The following LOXL2 variants were observed in gnomAD, a reference collection of about 807,000 sequenced individuals.
LOXL2 encodes the protein lysyl oxidase like 2, also known as lysyl oxidase homolog 2.
Under a neutral mutation model 93.0 loss-of-function variants are expected in LOXL2, and 70 were observed. The observed-to-expected ratio is 0.75, with a 90% CI of 0.62 to 0.92. The LOEUF (loss-of-function observed/expected upper bound fraction) is 0.92. LOXL2 is among the 40% of genes least tolerant of loss of function. LOXL2 has a pLI of 0.00. For missense variants in LOXL2, 973 were observed against 1,054.9 expected (o/e 0.92, Z 1.08); for synonymous variants, 438 against 413.2 (o/e 1.06, Z -0.73).
intron 9 of LOXL2, among the ~76,000 whole-genome samples, chr8:23,316,124 C>T (rs1163403732): frequency 2.6e-5 from 4 of 152,334 alleles, no homozygotes; most frequent in Middle Eastern, 3.4e-3. Flanking sequence ...GACGCAGCTG[C>T]TGTTCAATCC....
rs868421772 is a variant in LOXL2 at position 23,352,270 on chromosome 8, G to A, written c.531+7820C>T. 1.4e-4 allele frequency among the ~76,000 whole-genome samples: 21 copies of A among 152,264 alleles called. 1 individual carries two copies. The highest frequency in any genetic ancestry group is 6.8e-3 in the Middle Eastern group (2 of 294). On this transcript the variant is annotated intron_variant, in intron 3 of 13. Coordinates refer to ENST00000389131, the MANE Select transcript of LOXL2 (RefSeq NM_002318.3). ...TCCTTGTGCCCTTGCTGAAAAGTCC[G>A]GCACAAACTACCCCCTGGCTACCAT...
intron 6 of LOXL2, among the ~76,000 whole-genome samples, 154 bp from the exon 7 acceptor site, chr8:23,322,435 C>T (rs1585349527): frequency 6.6e-6 from 1 of 152,216 alleles, no homozygotes; most frequent in South Asian, 2.1e-4. Flanking sequence ...AGCCTCTTCT[C>T]CCCAGAGAGA....
chr8:23,317,612 G>A (rs1284080606), intron 8 of LOXL2, among the ~76,000 whole-genome samples: 2 of 152,318 alleles, frequency 1.3e-5, no homozygotes, highest in East Asian at 1.9e-4. Context: ...TTATAAAGAC[G>A]AACTTCTGAA....
Position 23,361,194 on chromosome 8 carries a change from C to T in LOXL2, c.356-929G>A, listed in dbSNP as rs532243565. Among the ~76,000 whole-genome samples, 7 of 152,098 alleles carry T rather than the reference C, an allele frequency of 4.6e-5. No individual in the cohort carries two copies. In the East Asian group the frequency reaches 7.8e-4, roughly 17 times the overall value. On this transcript the variant is annotated intron_variant, in intron 2 of 13. Coordinates refer to ENST00000389131, the MANE Select transcript of LOXL2 (RefSeq NM_002318.3). The stretch of plus-strand genomic sequence containing the variant: ...GATTACAGGCGTGAGGCACTGCGCC[C>T]GGCCTGGTTTGAGGTTTTTAAGGCA...
intron 10 of LOXL2, 37 bp downstream of exon 10, chr8:23,309,631 G>A (rs200210122): frequency 7.7e-5 from 107 of 1,385,390 alleles, no homozygotes; most frequent in Non-Finnish European, 9.4e-5. Flanking sequence ...GATGTCCGCC[G>A]GGCAGCTTAG....
chr8:23,385,968 T>C lies in LOXL2; in HGVS notation c.-83-17534A>G, dbSNP rs751634136. On this transcript the variant is annotated intron_variant, in intron 1 of 13. Transcript: ENST00000389131. ...ACATTGCAAGTGTTTGGTGGCCCCA[T>C]ATGGTGGTGGCTGCCATACTGCACA... The C allele has an allele frequency of 6.5e-6, 5 of 765,146 alleles. No homozygotes were observed. The African/African-American group carries it at 8.5e-5, about 13-fold the overall frequency. The allele number at this position is 765,146 out of a possible 1,614,324, so 47.4% of individuals were successfully genotyped here. A position where few individuals can be genotyped will look rare whatever the true frequency, so the allele number is the denominator to read the frequency against.
At chr8:23,317,894 G>A (rs1019916727) in intron 8 of LOXL2, among the ~76,000 whole-genome samples, 4 of 88,868 alleles carry the variant, frequency 4.5e-5, no homozygotes, top group African/African-American at 1.2e-4. Flanking sequence ...CAGGATTAGA[G>A]CTCAGGGAGG....
chr8:23,402,284 T>C (rs942061767), intron 1 of LOXL2, among the ~76,000 whole-genome samples: 1 of 151,154 alleles, frequency 6.6e-6, no homozygotes, highest in Non-Finnish European at 1.5e-5. Context: ...CACACATACA[T>C]GTGCCCACAC....
chr8:23,347,168 AACACACACACACACACACACACAC>A (rs60464587), intron 3 of LOXL2, among the ~76,000 whole-genome samples: 4 of 141,758 alleles, frequency 2.8e-5, no homozygotes, highest in Non-Finnish European at 6.2e-5. Context: ...AACACACACA[AACACACACACACACACACACACAC>A]ACACACACAC....
At chr8:23,354,691 T>A (rs1357729011) in intron 3 of LOXL2, among the ~76,000 whole-genome samples, 1 of 151,868 alleles carries the variant, frequency 6.6e-6, no homozygotes, top group Non-Finnish European at 1.5e-5. Flanking sequence ...ATGAGTGCAT[T>A]TTCCCAGACA....
intron 5 of LOXL2, among the ~76,000 whole-genome samples, chr8:23,329,664 G>A (rs975877599): frequency 2.6e-5 from 4 of 152,242 alleles, no homozygotes; most frequent in African/African-American, 7.2e-5. Context: ...CACAGAGGGA[G>A]TGAGGAAGAC....
At chr8:23,344,139 G>A (rs1438848088) in intron 3 of LOXL2, among the ~76,000 whole-genome samples, 3 of 152,228 alleles carry the variant, frequency 2.0e-5, no homozygotes, top group Non-Finnish European at 4.4e-5. Context: ...GCGGGCCTGA[G>A]GCCAGCACAC....
chr8:23,336,922 G>C (rs1803802327), intron 4 of LOXL2: 1 of 152,156 alleles, frequency 6.6e-6, no homozygotes, highest in South Asian at 2.1e-4. Flanking sequence ...CTACGAGGGT[G>C]CTTCCTTGAG....
At chr8:23,302,188 C>T (rs372486982) in intron 11 of LOXL2, 25 bp from the exon 12 acceptor site, 46 of 1,611,984 alleles carry the variant, frequency 2.9e-5, no homozygotes, top group Non-Finnish European at 3.8e-5. Flanking sequence ...GAGGAGAGCT[C>T]ATCACCAGGG....
rs1563195819 is a variant in LOXL2, at chr8:23,341,140, T to C, written c.595A>G (p.Thr199Ala). The C allele has an allele frequency of 6.2e-7, 1 of 1,613,908 alleles. No homozygotes were observed. Among genetic ancestry groups the C allele is most frequent in the Non-Finnish European group, 8.5e-7 (1 of 1,180,034 alleles). ...TCCACGTAGCCCTCCATCACTGGGGTGCGCTTGCGGTAGGTTGAGAGGATG... is the reference window on the plus strand; with the variant it reads ...TCCACGTAGCCCTCCATCACTGGGGCGCGCTTGCGGTAGGTTGAGAGGATG... ...RAILSTYRKR[T>A]PVMEGYVEVK... Residue 199 changes from threonine (T) to alanine (A), a missense_variant, in exon 4 of 14, where the codon ACC becomes GCC. Thr to Ala is a moderately conservative substitution (Grantham distance 58). Coordinates refer to ENST00000389131, the MANE Select transcript of LOXL2 (RefSeq NM_002318.3).
chr8:23,387,357 C>T (rs753176955), intron 1 of LOXL2, among the ~76,000 whole-genome samples: 2 of 152,144 alleles, frequency 1.3e-5, no homozygotes, highest in Non-Finnish European at 2.9e-5. Flanking sequence ...TAGAGGGACT[C>T]GGGGATCGAG....
At position 23,354,588 on chromosome 8, in the gene LOXL2, C is replaced by CTGTGTGTGTGTGTGTGTGTGTG. The variant is rs35274565; in HGVS notation, c.531+5501_531+5502insCACACACACACACACACACACA. On this transcript the variant is annotated intron_variant, in intron 3 of 13. Transcript: ENST00000389131. ...ACACATGCTGGTTGGCATCCCTTCT[C>CTGTGTGTGTGTGTGTGTGTGTG]TGTGTGTGTGTGTGTGTGTTCTCAC... Among the ~76,000 whole-genome samples, 161 of 150,902 alleles carry CTGTGTGTGTGTGTGTGTGTGTG rather than the reference C, an allele frequency of 1.1e-3. 1 individual carries two copies. Among genetic ancestry groups the CTGTGTGTGTGTGTGTGTGTGTG allele is most frequent in the African/African-American group, 2.5e-3 (101 of 41,102 alleles).
At chr8:23,318,460 C>A (rs4129463) in intron 8 of LOXL2, among the ~76,000 whole-genome samples, 28 of 109,074 alleles carry the variant, frequency 2.6e-4, no homozygotes, top group East Asian at 7.4e-4. Flanking sequence ...CACACACACA[C>A]AAAAATACAC....
chr8:23,351,698 C>T (rs1804095899), intron 3 of LOXL2, among the ~76,000 whole-genome samples: 1 of 152,222 alleles, frequency 6.6e-6, no homozygotes, highest in East Asian at 1.9e-4. Flanking sequence ...CACATACACA[C>T]CCTTTTGCAT....
Sources: gnomAD v4.1 joint callset for allele counts (sites outside exome capture counted in the v4.1 genomes callset) on GRCh38, gnomAD v4.1.1 for gene constraint, MANE v1.5 for transcripts, NCBI Gene and HGNC (gene_info 2026-07-23, HGNC 2026-07-21) for gene names.